Variants in RABGAP1 observed in about 807,000 individuals in gnomAD.
RABGAP1 encodes the protein RAB GTPase activating protein 1.
RABGAP1 carries 23 observed loss-of-function variants against 137.6 expected under a neutral mutation model. The ratio of observed to expected loss-of-function variants is 0.17; its 90% CI spans 0.12 to 0.24. RABGAP1 has a LOEUF of 0.24. Among genes scored for constraint, RABGAP1 ranks in the 10% least tolerant of loss-of-function variants. The pLI, the probability that RABGAP1 is intolerant of heterozygous loss-of-function variation, is 1.00. For missense variants in RABGAP1, 906 were observed against 1,275.8 expected (o/e 0.71, Z 4.42); for synonymous variants, 451 against 450.7 (o/e 1.00, Z -0.01).
chr9:122,937,501 G>A (rs976103473), upstream of RABGAP1: 1 of 152,274 alleles, frequency 6.6e-6, no homozygotes, highest in Non-Finnish European at 1.5e-5. Context: ...GGAGGCTGAG[G>A]GAGGAGAATT....
intron 1 of RABGAP1, among the ~76,000 whole-genome samples, chr9:122,948,975 A>C (rs1405661093): frequency 6.6e-6 from 1 of 152,216 alleles, no homozygotes; most frequent in Non-Finnish European, 1.5e-5. Context: ...GTCCACAAGT[A>C]GTTTGGGGGA....
chr9:123,098,999 C>A (rs10985889), intron 23 of RABGAP1, among the ~76,000 whole-genome samples: 1 of 151,968 alleles, frequency 6.6e-6, no homozygotes, highest in African/African-American at 2.4e-5. Flanking sequence ...AAGGTTGTTA[C>A]GAGGATTTAA....
rs1393921882 is a variant in RABGAP1 at position 122,968,309 on chromosome 9, A to G, written c.150+11100A>G. On this transcript the variant is annotated intron_variant, in intron 2 of 25. Transcript: ENST00000373647. ...GCAATCTCAGCTCACTGCAACCTCC[A>G]CTTACTGATTTCAAATGATTCTCAT... 8.8e-5 allele frequency among the ~76,000 whole-genome samples: 12 copies of G among 137,124 alleles called. No homozygotes were observed. The East Asian group carries it at 2.5e-3, about 29-fold the overall frequency. The allele number at this position is 137,124 out of a possible 152,430, so 90.0% of individuals were successfully genotyped here.
chr9:122,949,535 A>T (rs987984682), intron 1 of RABGAP1, among the ~76,000 whole-genome samples: 1 of 151,820 alleles, frequency 6.6e-6, no homozygotes, highest in Non-Finnish European at 1.5e-5. Flanking sequence ...ATAACAAAAC[A>T]AAAACAAAAA....
rs1380316342 is a variant in RABGAP1, at chr9:123,104,187, A to T, written c.*974A>T. ...GTGGACAGAGCTCCCTCACTTCAAGATTCCTAGTGTTTTTGCACAACAGGT... is the reference window on the plus strand; with the variant it reads ...GTGGACAGAGCTCCCTCACTTCAAGTTTCCTAGTGTTTTTGCACAACAGGT... On this transcript the variant is annotated 3_prime_UTR_variant, in exon 26 of 26. Transcript: ENST00000373647. 6.6e-6 allele frequency: 1 copy of T among 152,456 alleles called. No homozygotes were observed. Among genetic ancestry groups the T allele is most frequent in the East Asian group, 1.9e-4 (1 of 5,174 alleles). The allele number at this position is 152,456 out of a possible 1,614,324, so 9.4% of individuals were successfully genotyped here.
intron 12 of RABGAP1, among the ~76,000 whole-genome samples, chr9:123,016,234 T>A (rs2031218393): frequency 6.6e-6 from 1 of 152,126 alleles, no homozygotes; most frequent in Non-Finnish European, 1.5e-5. Context: ...AGGATGGGTG[T>A]AGTGGTTCAT....
At chr9:122,960,607 C>T (rs1834802292) in intron 2 of RABGAP1, among the ~76,000 whole-genome samples, 1 of 152,078 alleles carries the variant, frequency 6.6e-6, no homozygotes, top group Non-Finnish European at 1.5e-5. Context: ...AGTTTCTAAC[C>T]AAAAATTATA....
At chr9:123,087,448 C>T (rs561077348) in intron 19 of RABGAP1, among the ~76,000 whole-genome samples, 11 of 152,126 alleles carry the variant, frequency 7.2e-5, no homozygotes, top group African/African-American at 1.7e-4. Flanking sequence ...TGTTCGCAGC[C>T]GCATTTATTT....
At chr9:123,060,759 C>T (rs1457468630) in intron 13 of RABGAP1, among the ~76,000 whole-genome samples, 11 of 152,080 alleles carry the variant, frequency 7.2e-5, no homozygotes, top group Admixed American at 7.2e-4. Context: ...GACTATATAC[C>T]ACTACAATTA....
chr9:122,984,807 G>A, intron 3 of RABGAP1, 88 bp downstream of exon 3: 1 of 1,210,356 alleles, frequency 8.3e-7, no homozygotes, highest in East Asian at 2.5e-5. Flanking sequence ...ATTTAGAACA[G>A]GCAAAACCAT....
intron 4 of RABGAP1, among the ~76,000 whole-genome samples, chr9:122,988,145 T>G (rs117331110): frequency 0.018 from 2,796 of 152,332 alleles, 31 homozygotes; most frequent in South Asian, 0.026. Flanking sequence ...TTCCTCTAAC[T>G]GAAGTTAGAC....
At chr9:122,993,065 T>C (rs930780613) in intron 6 of RABGAP1, among the ~76,000 whole-genome samples, 1 of 151,870 alleles carries the variant, frequency 6.6e-6, no homozygotes, top group Non-Finnish European at 1.5e-5. Flanking sequence ...GTGTATAATA[T>C]TAATAGCAAA....
In RABGAP1 at chr9:123,024,723, C is replaced by G. The variant is rs2031856742; in HGVS notation, c.1794+4264C>G. Among the ~76,000 whole-genome samples the G allele has an allele frequency of 3.9e-5, 6 of 152,296 alleles. No homozygotes were observed. The South Asian group carries it at 1.2e-3, about 32-fold the overall frequency. ...AAAGTTCTGGGATTACAGGCATGAG[C>G]CACTGCATGTGGCCTAGCATATCTT... On this transcript the variant is annotated intron_variant, in intron 13 of 25. Coordinates refer to ENST00000373647, the MANE Select transcript of RABGAP1 (RefSeq NM_012197.4).
chr9:122,936,201 C>A (rs906291169), upstream of RABGAP1, among the ~76,000 whole-genome samples: 1 of 152,118 alleles, frequency 6.6e-6, no homozygotes, highest in African/African-American at 2.4e-5. Flanking sequence ...ACCATGATTT[C>A]TTGCAATATT....
At chr9:122,955,464 T>C (rs1834462825) in intron 1 of RABGAP1, among the ~76,000 whole-genome samples, 1 of 152,250 alleles carries the variant, frequency 6.6e-6, no homozygotes, top group Admixed American at 6.5e-5. Flanking sequence ...TATTTAGATT[T>C]GGTCTTATGA....
At chr9:122,949,749 G>T (rs1834132897) in intron 1 of RABGAP1, among the ~76,000 whole-genome samples, 1 of 151,252 alleles carries the variant, frequency 6.6e-6, no homozygotes, top group African/African-American at 2.4e-5. Context: ...TTACTGTGTG[G>T]TAAATGCTAT....
intron 6 of RABGAP1, among the ~76,000 whole-genome samples, chr9:122,995,035 T>G (rs1447525950): frequency 6.6e-6 from 1 of 152,152 alleles, no homozygotes; most frequent in Admixed American, 6.5e-5. Flanking sequence ...GAAGATAGCT[T>G]GAGCCCAGGA....
chr9:122,984,442 A>C (rs1297960975), intron 2 of RABGAP1, 43 bp from the exon 3 acceptor site: 1 of 1,542,964 alleles, frequency 6.5e-7, no homozygotes, highest in Non-Finnish European at 8.9e-7. Flanking sequence ...AATACTGGCC[A>C]ATCTTTGTCA....
rs558305197 is a variant in RABGAP1, at chr9:122,966,454, C to T, written c.150+9245C>T. Among the ~76,000 whole-genome samples, 10 of 152,010 alleles carry T rather than the reference C, an allele frequency of 6.6e-5. No individual in the cohort carries two copies. The East Asian group carries it at 7.7e-4, about 12-fold the overall frequency. On this transcript the variant is annotated intron_variant, in intron 2 of 25. Coordinates refer to ENST00000373647, the MANE Select transcript of RABGAP1 (RefSeq NM_012197.4). ...AGGAGAATTGCTTGAACCCGGGAGGCGGAGGTTGCAGTGAGCCTACATTGT... is the reference window on the plus strand; with the variant it reads ...AGGAGAATTGCTTGAACCCGGGAGGTGGAGGTTGCAGTGAGCCTACATTGT...
Sources: allele counts gnomAD v4.1 joint callset (sites outside exome capture counted in the v4.1 genomes callset), GRCh38; gene constraint gnomAD v4.1.1; transcripts MANE v1.5; gene names NCBI Gene and HGNC (gene_info 2026-07-23, HGNC 2026-07-21).